The following ITCH variants were observed in gnomAD, a reference collection of about 807,000 sequenced individuals.
ITCH encodes the protein itchy E3 ubiquitin protein ligase.
A neutral mutation model predicts 126.8 loss-of-function variants in ITCH; 28 were observed. The ratio of observed to expected loss-of-function variants is 0.22; its 90% CI spans 0.16 to 0.30. The LOEUF (loss-of-function observed/expected upper bound fraction) is 0.30, where lower values mean the gene tolerates loss of function less well. ITCH is among the 10% of genes least tolerant of loss of function. The pLI is 1.00. For missense variants in ITCH, 631 were observed against 1,032.4 expected, an observed-to-expected ratio of 0.61 and a Z score of 5.33; for synonymous variants, 342 against 340.0, an observed-to-expected ratio of 1.01 and a Z score of -0.06.
At chr20:34,420,885 T>G (rs1226260397) in intron 6 of ITCH, among the ~76,000 whole-genome samples, 1 of 152,214 alleles carries the variant, frequency 6.6e-6, no homozygotes, top group Non-Finnish European at 1.5e-5. Context: ...CTTCTGCTAG[T>G]TGCTAGGGTG....
chr20:34,457,693 A>T (rs1297624598), intron 13 of ITCH, among the ~76,000 whole-genome samples: 1 of 152,232 alleles, frequency 6.6e-6, no homozygotes, highest in Non-Finnish European at 1.5e-5. Flanking sequence ...ATGGTGGCTC[A>T]TGCCCATTAT....
At position 34,483,096 on chromosome 20, in the gene ITCH, G is replaced by A. The variant is rs138956947; in HGVS notation, c.2093+1890G>A. On this transcript the variant is annotated intron_variant, in intron 20 of 24. Transcript: ENST00000374864. ...ACCAAGTCCCTAGAGTGCACACAGC[G>A]TGGGGACCCTGGGCCCGGCCCATGA... Among the ~76,000 whole-genome samples, 620 of 152,108 alleles carry A rather than the reference G, an allele frequency of 4.1e-3. 4 individuals are homozygous for A. Among genetic ancestry groups the A allele is most frequent in the African/African-American group, 0.013 (547 of 41,512 alleles).
intron 2 of ITCH, among the ~76,000 whole-genome samples, chr20:34,390,509 G>A (rs1447453428): frequency 7.2e-6 from 1 of 138,364 alleles, no homozygotes; most frequent in East Asian, 2.1e-4. Flanking sequence ...GGAGTGCAAT[G>A]GCACGATGTT....
intron 2 of ITCH, among the ~76,000 whole-genome samples, chr20:34,380,105 C>T (rs2038001336): frequency 6.6e-6 from 1 of 152,034 alleles, no homozygotes; most frequent in Non-Finnish European, 1.5e-5. Flanking sequence ...ACCATGTTGA[C>T]CAGGATCGTC....
intron 6 of ITCH, among the ~76,000 whole-genome samples, chr20:34,416,911 CTT>C (rs60272162): frequency 6.0e-5 from 8 of 132,406 alleles, no homozygotes; most frequent in Admixed American, 7.7e-5. Context: ...CTCTTCCTAG[CTT>C]TTTTTTTTTT....
At chr20:34,377,784 C>T (rs1682271580) in intron 2 of ITCH, among the ~76,000 whole-genome samples, 1 of 151,628 alleles carries the variant, frequency 6.6e-6, no homozygotes, top group Non-Finnish European at 1.5e-5. Flanking sequence ...GGAGGATTAC[C>T]TGGTCCCGGG....
At chr20:34,504,068 A>C (rs1277321757) in intron 23 of ITCH, among the ~76,000 whole-genome samples, 2 of 151,178 alleles carry the variant, frequency 1.3e-5, no homozygotes, top group African/African-American at 4.9e-5. Flanking sequence ...TTTAGTAGAG[A>C]TCAAGATTCA....
At chr20:34,451,160 C>T (rs1052455272) in intron 12 of ITCH, among the ~76,000 whole-genome samples, 39 of 151,986 alleles carry the variant, frequency 2.6e-4, no homozygotes, top group Admixed American at 2.4e-3. Flanking sequence ...CTTGGTGGCC[C>T]GTGCCTGTAA....
chr20:34,407,948 T>C (rs1479444262), intron 3 of ITCH, among the ~76,000 whole-genome samples: 2 of 152,250 alleles, frequency 1.3e-5, no homozygotes, highest in African/African-American at 2.4e-5. Context: ...TTGTTGACCA[T>C]GTTTGTCAAT....
At chr20:34,460,791 T>C (rs1986434265) in intron 13 of ITCH, among the ~76,000 whole-genome samples, 1 of 152,068 alleles carries the variant, frequency 6.6e-6, no homozygotes, top group South Asian at 2.1e-4. Flanking sequence ...GAGGCCAAAA[T>C]AGGAGGATCA....
intron 8 of ITCH, among the ~76,000 whole-genome samples, chr20:34,438,896 G>T (rs538444770): frequency 1.3e-5 from 2 of 152,224 alleles, no homozygotes; most frequent in South Asian, 4.1e-4. Flanking sequence ...AGATAACATG[G>T]CAATAACATT....
At position 34,373,614 on chromosome 20, in the gene ITCH, G is replaced by C. The variant is rs1038261605; in HGVS notation, c.-22+4144G>C. On this transcript the variant is annotated intron_variant, in intron 2 of 24. Transcript: ENST00000374864. ...GCTGCTGTATGCTAGACATTGCAGG[G>C]ACTTATGGTGAAAAAGCAATCTCTG... 9.2e-5 allele frequency among the ~76,000 whole-genome samples: 14 copies of C among 152,166 alleles called. 1 individual carries two copies. In the East Asian group the frequency reaches 2.5e-3, roughly 27 times the overall value.
chr20:34,424,659 A>G (rs763082889), intron 7 of ITCH, 134 bp downstream of exon 7: 2 of 817,998 alleles, frequency 2.4e-6, no homozygotes, highest in Non-Finnish European at 4.2e-6. Context: ...AAGAAGGGAA[A>G]TATTTGCAAA....
chr20:34,486,810 A>G (rs1989156343), intron 20 of ITCH, among the ~76,000 whole-genome samples: 2 of 147,006 alleles, frequency 1.4e-5, no homozygotes, highest in Non-Finnish European at 3.0e-5. Flanking sequence ...GCGATCCTCT[A>G]GCCTCAGCCA....
intron 2 of ITCH, among the ~76,000 whole-genome samples, chr20:34,381,236 A>T (rs146124670): frequency 1.3e-5 from 2 of 152,156 alleles, no homozygotes; most frequent in African/African-American, 4.8e-5. Flanking sequence ...AAAACGAAAC[A>T]AAACAAAAAA....
chr20:34,480,568 T>C (rs759246898), intron 18 of ITCH, 31 bp from the exon 19 acceptor site: 8 of 1,610,274 alleles, frequency 5.0e-6, no homozygotes, highest in Middle Eastern at 1.6e-4. Context: ...TGTACAGTTA[T>C]TTTAAGCGGT....
At chr20:34,438,287 C>T (rs1222284354) in intron 7 of ITCH, among the ~76,000 whole-genome samples, 187 bp from the exon 8 acceptor site, 1 of 152,158 alleles carries the variant, frequency 6.6e-6, no homozygotes, top group Non-Finnish European at 1.5e-5. Flanking sequence ...TAGATGAACT[C>T]TGGGGGTTAT....
chr20:34,495,651 G>A (rs899666357), intron 23 of ITCH, among the ~76,000 whole-genome samples: 14 of 152,108 alleles, frequency 9.2e-5, no homozygotes, highest in African/African-American at 3.1e-4. Flanking sequence ...ATTCCAGTTT[G>A]TTTATACACC....
intron 19 of ITCH, 29 bp downstream of exon 19, chr20:34,480,761 A>T: frequency 1.3e-6 from 2 of 1,513,002 alleles, no homozygotes; most frequent in East Asian, 2.3e-5. Context: ...GTAATTTATT[A>T]AAATATAGTT....
Sources: allele counts gnomAD v4.1 joint callset (sites outside exome capture counted in the v4.1 genomes callset), GRCh38; gene constraint gnomAD v4.1.1; transcripts MANE v1.5; gene names NCBI Gene and HGNC (gene_info 2026-07-23, HGNC 2026-07-21).